The following BICDL1 variants were observed in gnomAD, a reference collection of about 807,000 sequenced individuals.
BICDL1 encodes BICD family like cargo adaptor 1, also known as BICD family-like cargo adapter 1.
Under a neutral mutation model 76.8 loss-of-function variants are expected in BICDL1, and 20 were observed. The observed-to-expected ratio is 0.26, with a 90% CI of 0.18 to 0.38. The LOEUF is 0.38. Ranked by LOEUF, BICDL1 falls within the 10% of genes least tolerant of loss-of-function variation. BICDL1 has a pLI of 1.00. For synonymous variants in BICDL1, 383 were observed against 337.1 expected (o/e 1.14, Z -1.49); for missense variants, 700 against 798.6 (o/e 0.88, Z 1.49).
At chr12:120,073,460 C>T in intron 6 of BICDL1, among the ~76,000 whole-genome samples, 1 of 152,150 alleles carries the variant, frequency 6.6e-6, no homozygotes, top group Admixed American at 6.5e-5. Flanking sequence ...GAAGCTTCCG[C>T]CAAAAGAATG....
At chr12:120,067,520 A>T (rs900280861) in intron 4 of BICDL1, among the ~76,000 whole-genome samples, 4 of 152,184 alleles carry the variant, frequency 2.6e-5, no homozygotes, top group Admixed American at 2.6e-4. Context: ...TCTTATTTTA[A>T]AGGGCTCTTA....
chr12:120,058,590 CTTT>C (rs1039285394), intron 2 of BICDL1, among the ~76,000 whole-genome samples: 13 of 136,118 alleles, frequency 9.6e-5, no homozygotes, highest in Admixed American at 1.5e-4. Flanking sequence ...AAATTTTTTT[CTTT>C]TTTTTTTTTT....
At chr12:120,089,460 A>G (rs560663121) in intron 8 of BICDL1, among the ~76,000 whole-genome samples, 2 of 152,164 alleles carry the variant, frequency 1.3e-5, no homozygotes, top group South Asian at 4.1e-4. Flanking sequence ...ATCTCGGCTC[A>G]CTGCAACCTC....
At chr12:120,052,971 G>A (rs1952895460) in intron 2 of BICDL1, among the ~76,000 whole-genome samples, 1 of 152,090 alleles carries the variant, frequency 6.6e-6, no homozygotes, top group Non-Finnish European at 1.5e-5. Context: ...GTAGAGGTGG[G>A]GTTTCACCAT....
intron 2 of BICDL1, among the ~76,000 whole-genome samples, chr12:120,024,502 A>T (rs1369847938): frequency 1.3e-5 from 2 of 152,218 alleles, no homozygotes; most frequent in African/African-American, 4.8e-5. Context: ...ACTTTTGAAC[A>T]AATAATGGCT....
chr12:120,043,879 G>A (rs754563646), intron 2 of BICDL1, among the ~76,000 whole-genome samples: 3 of 152,204 alleles, frequency 2.0e-5, no homozygotes, highest in African/African-American at 7.2e-5. Flanking sequence ...TATAATTTCT[G>A]CCCTTAAGTC....
rs893988387 is a variant in BICDL1 at position 120,060,580 on chromosome 12, A to G, written c.646-1130A>G. ...AATTTAAAGGTTAGAGGGTATTTAA[A>G]TGAAAATCAACTAGAGTATGGTTTG... is the stretch of plus-strand genomic sequence containing the variant. On this transcript the variant is annotated intron_variant, in intron 2 of 9. Coordinates refer to ENST00000548673, the MANE Select transcript of BICDL1 (RefSeq NM_001367886.1). Among the ~76,000 whole-genome samples the G allele has an allele frequency of 3.3e-4, 50 of 152,232 alleles. 1 individual carries two copies. Among genetic ancestry groups the G allele is most frequent in the African/African-American group, 1.2e-3 (50 of 41,464 alleles).
intron 2 of BICDL1, 85 bp downstream of exon 2, chr12:119,998,821 C>T (rs1951702689): frequency 7.5e-7 from 1 of 1,341,288 alleles, no homozygotes; most frequent in Admixed American, 2.2e-5. Context: ...GTGACGCCAG[C>T]ATTTCGGGAG....
At chr12:119,992,955 C>G (rs1951556417) in intron 1 of BICDL1, 1 of 150,352 alleles carries the variant, frequency 6.7e-6, no homozygotes, top group African/African-American at 2.4e-5. Context: ...TTTCTTCCAC[C>G]CCCCCACCCT....
At chr12:120,051,725 T>A (rs1332479468) in intron 2 of BICDL1, among the ~76,000 whole-genome samples, 1 of 152,210 alleles carries the variant, frequency 6.6e-6, no homozygotes. Flanking sequence ...AATGTTAACA[T>A]CTTTTGTAAT....
At position 119,989,371 on chromosome 12, in the gene BICDL1, G is replaced by A. The variant is rs1951463073; in HGVS notation, c.-498G>A. 1.3e-5 allele frequency among the ~76,000 whole-genome samples: 2 copies of A among 150,152 alleles called. No homozygotes were observed. Among genetic ancestry groups the A allele is most frequent in the South Asian group, 4.2e-4 (2 of 4,782 alleles). On this transcript the variant is annotated 5_prime_UTR_variant, in exon 1 of 10. Coordinates refer to ENST00000548673, the MANE Select transcript of BICDL1 (RefSeq NM_001367886.1). ...GGGGGTCATGGAGTGCGGCTGCAGAGAGCGGCCGCCGGCAACAGCAGCAGC... is the reference window on the plus strand; with the variant it reads ...GGGGGTCATGGAGTGCGGCTGCAGAAAGCGGCCGCCGGCAACAGCAGCAGC...
chr12:119,990,642 A>T (rs1032419916), intron 1 of BICDL1, among the ~76,000 whole-genome samples: 1 of 152,232 alleles, frequency 6.6e-6, no homozygotes, highest in Non-Finnish European at 1.5e-5. Context: ...AAGCATTTAA[A>T]ATATGTTGCA....
chr12:120,040,391 C>T (rs1566236760), intron 2 of BICDL1, among the ~76,000 whole-genome samples: 1 of 151,952 alleles, frequency 6.6e-6, no homozygotes, highest in Admixed American at 6.6e-5. Context: ...CGAGCCCAGC[C>T]TTCTTTTTCT....
rs1367029162 is a variant in BICDL1, at chr12:120,064,884, T to C, written c.909+5T>C. 3.1e-6 allele frequency: 5 copies of C among 1,601,082 alleles called. No homozygotes were observed. Among genetic ancestry groups the C allele is most frequent in the Non-Finnish European group, 4.3e-6 (5 of 1,175,566 alleles). On this transcript the variant is annotated splice_donor_5th_base_variant and intron_variant, in intron 4 of 9. Transcript: ENST00000548673. Reference sequence around the variant, plus strand: ...GGCCATGACAAGGACCTACAGGTACTGGGGTAGAGAAGCTGTCCTGCAGGA... The same window carrying C: ...GGCCATGACAAGGACCTACAGGTACCGGGGTAGAGAAGCTGTCCTGCAGGA...
In BICDL1 at chr12:120,093,041, G is replaced by T. The variant is rs757788673; in HGVS notation, c.1746G>T (p.Thr582=). ...TCATTGACCGGCAGCTGATGGACAC[G>T]CACCTGAAAGAACGGAGCCAGCCGG... ...HRVIDRQLMD[T]HLKERSQPAA... The change falls in exon 10 of 10, where the codon ACG becomes ACT. Residue 582 remains threonine, a synonymous_variant. Transcript: ENST00000548673. The T allele has an allele frequency of 9.4e-6, 15 of 1,594,332 alleles. No individual in the cohort carries two copies. The East Asian group carries it at 3.1e-4, about 33-fold the overall frequency.
At chr12:119,998,355 A>G (rs1043378846) in intron 1 of BICDL1, among the ~76,000 whole-genome samples, 166 bp from the exon 2 acceptor site, 1 of 152,206 alleles carries the variant, frequency 6.6e-6, no homozygotes, top group African/African-American at 2.4e-5. Context: ...CTGCTCTGGA[A>G]GAAGGAATAT....
intron 3 of BICDL1, among the ~76,000 whole-genome samples, chr12:120,064,128 T>A (rs1953166899): frequency 6.6e-6 from 1 of 152,216 alleles, no homozygotes; most frequent in African/African-American, 2.4e-5. Flanking sequence ...TGTATCTGTG[T>A]CCTGCTCCAT....
At chr12:120,033,089 A>C (rs1952457593) in intron 2 of BICDL1, among the ~76,000 whole-genome samples, 1 of 151,946 alleles carries the variant, frequency 6.6e-6, no homozygotes, top group African/African-American at 2.4e-5. Flanking sequence ...TGCATGTATT[A>C]CTTTGTAACC....
chr12:119,995,823 A>G (rs777350709), intron 1 of BICDL1, among the ~76,000 whole-genome samples: 24 of 151,958 alleles, frequency 1.6e-4, no homozygotes, highest in Non-Finnish European at 3.1e-4. Context: ...TGTCTCTACT[A>G]AAAATACAAA....
Sources: gnomAD v4.1 joint callset for allele counts (sites outside exome capture counted in the v4.1 genomes callset) on GRCh38, gnomAD v4.1.1 for gene constraint, MANE v1.5 for transcripts, NCBI Gene and HGNC (gene_info 2026-07-23, HGNC 2026-07-21) for gene names.